TRIO: variants seen among roughly 807,000 people sequenced by gnomAD.
TRIO encodes the protein triple functional domain protein.
Under a neutral mutation model 351.9 loss-of-function variants are expected in TRIO, and 58 were observed. The ratio of observed to expected loss-of-function variants is 0.16; its 90% CI spans 0.13 to 0.21. The LOEUF (loss-of-function observed/expected upper bound fraction) is 0.21, where lower values mean the gene tolerates loss of function less well. Among genes scored for constraint, TRIO ranks in the 10% least tolerant of loss-of-function variants. The probability of loss-of-function intolerance (pLI) is 1.00; values close to 1 mark genes in which losing one functional copy is unlikely to be tolerated. For synonymous variants in TRIO, 1,758 were observed against 1,595.7 expected (o/e 1.10, Z -2.42); for missense variants, 3,201 against 4,027.8 (o/e 0.79, Z 5.56).
intron 18 of TRIO, among the ~76,000 whole-genome samples, chr5:14,371,769 G>A (rs1336198313): frequency 6.6e-6 from 1 of 151,586 alleles, no homozygotes; most frequent in Non-Finnish European, 1.5e-5. Context: ...GCCCCCCTAG[G>A]AGCTAGGACT....
At chr5:14,342,209 C>T (rs1010401221) in intron 11 of TRIO, among the ~76,000 whole-genome samples, 10 of 152,188 alleles carry the variant, frequency 6.6e-5, no homozygotes, top group East Asian at 3.9e-4. Flanking sequence ...GTGAGGCTCT[C>T]GGAGCTGCCT....
intron 13 of TRIO, 49 bp from the exon 14 acceptor site, chr5:14,363,683 T>G: frequency 1.3e-6 from 2 of 1,559,206 alleles, no homozygotes; most frequent in Non-Finnish European, 1.8e-6. Context: ...GAGTGAGAGG[T>G]GGCTGCATGT....
At chr5:14,237,667 T>G (rs1793862549) in intron 1 of TRIO, among the ~76,000 whole-genome samples, 1 of 152,220 alleles carries the variant, frequency 6.6e-6, no homozygotes, top group Non-Finnish European at 1.5e-5. Context: ...ATATGAGGCA[T>G]AAAACCCTCT....
intron 8 of TRIO, among the ~76,000 whole-genome samples, chr5:14,306,593 G>A (rs1293698992): frequency 6.6e-6 from 1 of 152,330 alleles, no homozygotes; most frequent in East Asian, 1.9e-4. Flanking sequence ...GAATGCAGTG[G>A]TGGGCTTGCA....
intron 10 of TRIO, among the ~76,000 whole-genome samples, chr5:14,335,559 C>T (rs895469931): frequency 6.6e-6 from 1 of 152,178 alleles, no homozygotes; most frequent in Admixed American, 6.5e-5. Context: ...CTTACAGCCT[C>T]AGATTATTAG....
Position 14,344,436 on chromosome 5 carries a change from C to A in TRIO, c.2046+7709C>A, listed in dbSNP as rs996315517. Among the ~76,000 whole-genome samples the A allele has an allele frequency of 5.3e-5, 8 of 152,282 alleles. No homozygotes were observed. In the East Asian group the frequency reaches 1.5e-3, roughly 29 times the overall value. On this transcript the variant is annotated intron_variant, in intron 11 of 56. Coordinates refer to ENST00000344204, the MANE Select transcript of TRIO (RefSeq NM_007118.4). The stretch of plus-strand genomic sequence containing the variant: ...GAGAAAATATAGTATAACAAACACA[C>A]CCCCTAAATTTGCTGAGTGATCTGG...
chr5:14,251,847 G>A (rs564689832), intron 1 of TRIO, among the ~76,000 whole-genome samples: 2 of 152,164 alleles, frequency 1.3e-5, no homozygotes, highest in South Asian at 2.1e-4. Context: ...GAGAAAGACT[G>A]CATCTGTTTT....
rs780840751 is a variant in TRIO, at chr5:14,369,379, C to T, written c.3072C>T (p.Cys1024=). The change falls in exon 18 of 57, where the codon TGC becomes TGT. Residue 1024 remains cysteine (C), a synonymous_variant. Coordinates refer to ENST00000344204, the MANE Select transcript of TRIO (RefSeq NM_007118.4). The part of the protein sequence containing the change: ...VAFYKTSEQV[C]SVLESLEQEY... ...CAAACTTTTCCTGCTCACAGGTCTG[C>T]AGCGTCCTCGAGAGCCTGGAACAGG... The T allele has an allele frequency of 1.2e-6, 2 of 1,611,628 alleles. No individual in the cohort carries two copies. The highest frequency in any genetic ancestry group is 1.3e-5 in the African/African-American group (1 of 74,970).
intron 18 of TRIO, among the ~76,000 whole-genome samples, chr5:14,372,597 A>G (rs1391230451): frequency 6.6e-6 from 1 of 152,238 alleles, no homozygotes; most frequent in African/African-American, 2.4e-5. Context: ...GTTTGTCCAG[A>G]AAAGGCAGAG....
chr5:14,173,320 C>T (rs1353495457), intron 1 of TRIO, among the ~76,000 whole-genome samples: 2 of 150,168 alleles, frequency 1.3e-5, no homozygotes, highest in Non-Finnish European at 2.9e-5. Flanking sequence ...AAGCAATTCT[C>T]CTGCCTCAGC....
intron 11 of TRIO, among the ~76,000 whole-genome samples, chr5:14,357,465 C>T (rs1743721224): frequency 1.3e-5 from 2 of 152,186 alleles, no homozygotes. Context: ...TCCCACCTGG[C>T]CCAAAGTCAT....
intron 33 of TRIO, among the ~76,000 whole-genome samples, chr5:14,417,325 T>G (rs1228745253): frequency 1.3e-5 from 2 of 152,244 alleles, no homozygotes; most frequent in African/African-American, 2.4e-5. Context: ...AGTTTGGTTT[T>G]GTTTTGGTCT....
chr5:14,496,290 C>T (rs1281241235), intron 49 of TRIO, among the ~76,000 whole-genome samples: 4 of 152,148 alleles, frequency 2.6e-5, no homozygotes, highest in African/African-American at 9.7e-5. Flanking sequence ...AAAGGTATGC[C>T]TGTCTAGAAG....
At chr5:14,303,065 G>C (rs1385081361) in intron 7 of TRIO, among the ~76,000 whole-genome samples, 4 of 151,210 alleles carry the variant, frequency 2.6e-5, no homozygotes, top group Non-Finnish European at 4.4e-5. Flanking sequence ...TGGAGATGGG[G>C]GGTGTCAGTG....
At chr5:14,504,756 A>G (rs903583191) in intron 55 of TRIO, 163 bp downstream of exon 55, 3 of 840,398 alleles carry the variant, frequency 3.6e-6, no homozygotes, top group African/African-American at 1.7e-5. Context: ...CAAGCCTTCC[A>G]GTAATGGCAG....
At position 14,261,010 on chromosome 5, in the gene TRIO, A is replaced by G. The variant is rs148521735; in HGVS notation, c.158-9815A>G. ...GCTTCAGTGACTAGTACCTGCACCT[A>G]CCCCCTCCTTAAACCCTTTTTTGTT... On this transcript the variant is annotated intron_variant, in intron 1 of 56. Coordinates refer to ENST00000344204, the MANE Select transcript of TRIO (RefSeq NM_007118.4). Among the ~76,000 whole-genome samples the G allele has an allele frequency of 3.2e-3, 483 of 151,958 alleles. 1 individual carries two copies. Among genetic ancestry groups the G allele is most frequent in the African/African-American group, 0.011 (466 of 41,422 alleles).
At chr5:14,210,425 A>AT (rs1285156955) in intron 1 of TRIO, among the ~76,000 whole-genome samples, 1 of 152,128 alleles carries the variant, frequency 6.6e-6, no homozygotes, top group African/African-American at 2.4e-5. Flanking sequence ...GCAGCCAGCC[A>AT]TTTTGTGGCC....
chr5:14,323,823 A>G (rs1244498347), intron 9 of TRIO, among the ~76,000 whole-genome samples: 1 of 152,228 alleles, frequency 6.6e-6, no homozygotes, highest in African/African-American at 2.4e-5. Flanking sequence ...GGATTCCTTC[A>G]TTTGTGATTT....
chr5:14,166,809 G>A (rs1361012643), intron 1 of TRIO, among the ~76,000 whole-genome samples: 2 of 152,178 alleles, frequency 1.3e-5, no homozygotes, highest in Non-Finnish European at 2.9e-5. Context: ...AGGGGAAAAA[G>A]GAGAAAGGGA....
Sources: allele counts gnomAD v4.1 joint callset (sites outside exome capture counted in the v4.1 genomes callset), GRCh38; gene constraint gnomAD v4.1.1; transcripts MANE v1.5; gene names NCBI Gene and HGNC (gene_info 2026-07-23, HGNC 2026-07-21).